The following BYSL variants were observed in gnomAD, a reference collection of about 807,000 sequenced individuals.
BYSL encodes the protein bystin like.
BYSL carries 21 observed loss-of-function variants against 45.4 expected under a neutral mutation model. That is an observed-to-expected ratio of 0.46 (90% CI 0.33 to 0.67). The LOEUF (loss-of-function observed/expected upper bound fraction) is 0.67, where lower values mean the gene tolerates loss of function less well. Among genes scored for constraint, BYSL ranks in the 30% least tolerant of loss-of-function variants. The pLI, the probability that BYSL is intolerant of heterozygous loss-of-function variation, is 0.02. For synonymous variants in BYSL, 215 were observed against 231.3 expected (o/e 0.93, Z 0.64); for missense variants, 522 against 578.5 (o/e 0.90, Z 1.00).
chr6:41,910,401 G>A, the BYSL span, among the ~76,000 whole-genome samples: 5 of 152,136 alleles, frequency 3.3e-5, no homozygotes, highest in African/African-American at 4.8e-5. Flanking sequence ...GGAGGCTGAG[G>A]CGGGTGGATC....
chr6:41,911,432 T>A, the BYSL span, among the ~76,000 whole-genome samples: 1 of 152,022 alleles, frequency 6.6e-6, no homozygotes, highest in Non-Finnish European at 1.5e-5. Flanking sequence ...ATTCCAGGCA[T>A]GAGCCGCCAC....
At chr6:41,930,321 G>A (rs372324748) in intron 3 of BYSL, 51 bp downstream of exon 3, 6 of 1,561,896 alleles carry the variant, frequency 3.8e-6, no homozygotes, top group Non-Finnish European at 4.3e-6. Context: ...GGGGCTGTGG[G>A]CTCCTGCCAC....
chr6:41,909,081 G>A, the BYSL span: 1 of 723,184 alleles, frequency 1.4e-6, no homozygotes, highest in South Asian at 2.0e-5. Context: ...GACTGAGGCG[G>A]AAGGATCACT....
Position 41,930,112 on chromosome 6 carries a change from C to G in BYSL, c.432-20C>G. 1 of 1,613,988 alleles carries G rather than the reference C, an allele frequency of 6.2e-7. No homozygotes were observed. Among genetic ancestry groups the G allele is most frequent in the African/African-American group, 1.3e-5 (1 of 75,060 alleles). On this transcript the variant is annotated intron_variant, in intron 2 of 6. Coordinates refer to ENST00000230340, the MANE Select transcript of BYSL (RefSeq NM_004053.4). ...CTCCTTGCCCCCTCTCTCCCCTCCT[C>G]TTGGCACTTCCCCTCTTAGGCGCAC...
the BYSL span, chr6:41,909,067 G>T: frequency 3.0e-6 from 2 of 658,052 alleles, no homozygotes; most frequent in Non-Finnish European, 5.1e-6. Context: ...CCAGGTACTT[G>T]GGAGACTGAG....
At position 41,931,780 on chromosome 6, in the gene BYSL, C is replaced by T. The variant is rs573778463; in HGVS notation, c.918C>T (p.Ile306=). 1.3e-5 allele frequency: 21 copies of T among 1,614,114 alleles called. No homozygotes were observed. The South Asian group carries it at 2.2e-4, about 17-fold the overall frequency. Residue 306 remains isoleucine (I), a synonymous_variant, in exon 6 of 7, where the codon ATC becomes ATT. Coordinates refer to ENST00000230340, the MANE Select transcript of BYSL (RefSeq NM_004053.4). ...ESGTCTLREA[I]IVGSIITKCS... The stretch of plus-strand genomic sequence containing the variant: ...GCACTTGTACCCTCCGGGAAGCCAT[C>T]ATTGTGGGTAGCATCATCACCAAGT...
Position 41,930,238 on chromosome 6 carries a change from C to CG in BYSL, c.541dup (p.Val181GlyfsTer14). 1 of 1,614,162 alleles carries CG rather than the reference C, an allele frequency of 6.2e-7. No homozygotes were observed. Among genetic ancestry groups the CG allele is most frequent in the Non-Finnish European group, 8.5e-7 (1 of 1,180,034 alleles). On this transcript the variant is annotated frameshift_variant, in exon 3 of 7. Transcript: ENST00000230340. LOFTEE classifies it high-confidence loss of function. ...CTTCCCTATGCCCCAGCTGGACCCC[C>CG]GGGTCCTAGAAGTGTACAGGGGGGT... is the stretch of plus-strand genomic sequence containing the variant.
chr6:41,929,310 C>A (rs1208473795), intron 2 of BYSL, among the ~76,000 whole-genome samples: 1 of 152,108 alleles, frequency 6.6e-6, no homozygotes, highest in Non-Finnish European at 1.5e-5. Context: ...CCAGCCTGGG[C>A]AACATGGGGA....
chr6:41,922,516 C>T (rs1195474607), intron 1 of BYSL, among the ~76,000 whole-genome samples: 4 of 152,194 alleles, frequency 2.6e-5, no homozygotes, highest in Non-Finnish European at 4.4e-5. Flanking sequence ...GAATAGTGGC[C>T]TTCTGGCCAC....
chr6:41,910,551 G>A, the BYSL span, among the ~76,000 whole-genome samples: 1 of 150,788 alleles, frequency 6.6e-6, no homozygotes, highest in East Asian at 2.0e-4. Context: ...AGAATCACCT[G>A]AACCCAGGAG....
chr6:41,914,200 G>T, the BYSL span, among the ~76,000 whole-genome samples: 2 of 152,192 alleles, frequency 1.3e-5, no homozygotes, highest in Non-Finnish European at 1.5e-5. Context: ...ATGTGCTGTT[G>T]TCGGAGGCAG....
At chr6:41,912,199 CTTTTTT>C in the BYSL span, among the ~76,000 whole-genome samples, 18 of 119,294 alleles carry the variant, frequency 1.5e-4, no homozygotes, top group African/African-American at 4.3e-4. Context: ...CCATGCCCAC[CTTTTTT>C]TTTTTTTTTT....
At chr6:41,911,278 G>A in the BYSL span, among the ~76,000 whole-genome samples, 2 of 151,552 alleles carry the variant, frequency 1.3e-5, no homozygotes, top group Non-Finnish European at 2.9e-5. Context: ...AGCCTCCTGA[G>A]TAGCTGGGAT....
chr6:41,923,887 A>G (rs1775526968), intron 1 of BYSL, among the ~76,000 whole-genome samples: 1 of 152,092 alleles, frequency 6.6e-6, no homozygotes, highest in Non-Finnish European at 1.5e-5. Flanking sequence ...TTGTGCCTTA[A>G]ACGTGGGAAA....
At chr6:41,925,611 C>T (rs1266921343) in intron 1 of BYSL, among the ~76,000 whole-genome samples, 5 of 152,162 alleles carry the variant, frequency 3.3e-5, no homozygotes, top group Non-Finnish European at 7.3e-5. Flanking sequence ...GATCCGCCCG[C>T]CTTGGCCTCT....
upstream of BYSL, among the ~76,000 whole-genome samples, chr6:41,917,105 A>G (rs1171599719): frequency 6.6e-6 from 1 of 152,104 alleles, no homozygotes; most frequent in African/African-American, 2.4e-5. Context: ...ATTTTTAATT[A>G]AAAAAAATTT....
upstream of BYSL, chr6:41,921,158 G>A: frequency 9.0e-7 from 1 of 1,110,928 alleles, no homozygotes; most frequent in East Asian, 2.8e-5. Flanking sequence ...AGAGCGCCGG[G>A]TCCACGCCTT....
the BYSL span, chr6:41,913,140 A>C: frequency 7.6e-4 from 116 of 151,984 alleles, no homozygotes; most frequent in Non-Finnish European, 1.5e-3. Flanking sequence ...GGGGAAATGC[A>C]AATTATTGTC....
upstream of BYSL, chr6:41,916,858 C>A: frequency 6.2e-7 from 1 of 1,614,074 alleles, no homozygotes; most frequent in Non-Finnish European, 8.5e-7. Context: ...GCTTCTCTGC[C>A]CCAAGCATCT....
Sources: gnomAD v4.1 joint callset for allele counts (sites outside exome capture counted in the v4.1 genomes callset) on GRCh38, gnomAD v4.1.1 for gene constraint, MANE v1.5 for transcripts, NCBI Gene and HGNC (gene_info 2026-07-23, HGNC 2026-07-21) for gene names.